Variants in KCNH1 observed in about 807,000 individuals in gnomAD.
KCNH1 encodes the protein potassium voltage-gated channel subfamily H member 1.
A neutral mutation model predicts 69.2 loss-of-function variants in KCNH1; 27 were observed. That is an observed-to-expected ratio of 0.39 (90% confidence interval 0.29 to 0.54). KCNH1 has a LOEUF of 0.54. KCNH1 is among the 20% of genes least tolerant of loss of function. The pLI is 0.68. For missense variants in KCNH1, 798 were observed against 1,261.6 expected, an observed-to-expected ratio of 0.63 and a Z score of 5.57; for synonymous variants, 456 against 487.7, an observed-to-expected ratio of 0.93 and a Z score of 0.86.
At position 210,993,787 on chromosome 1, in the gene KCNH1, C is replaced by T. The variant is rs191587542; in HGVS notation, c.1032+24996G>A. ...GTAGCAAACCTAAGGCTAAACAAGA[C>T]ATCATCCAAATATTAAGTAACTCTG... On this transcript the variant is annotated intron_variant, in intron 6 of 10. Transcript: ENST00000271751. 1.5e-3 allele frequency among the ~76,000 whole-genome samples: 233 copies of T among 152,216 alleles called. 1 individual carries two copies. The highest frequency in any genetic ancestry group is 3.4e-3 in the Middle Eastern group (1 of 294).
intron 10 of KCNH1, among the ~76,000 whole-genome samples, chr1:210,760,990 C>A (rs955030128): frequency 6.6e-6 from 1 of 152,038 alleles, no homozygotes; most frequent in Non-Finnish European, 1.5e-5. Context: ...CGGTGGCTCA[C>A]GCCTGTAATC....
intron 7 of KCNH1, among the ~76,000 whole-genome samples, chr1:210,822,624 T>C (rs1684952526): frequency 6.6e-6 from 1 of 152,144 alleles, no homozygotes; most frequent in African/African-American, 2.4e-5. Flanking sequence ...CATTTTTATT[T>C]TGCACTGGGT....
At chr1:210,781,577 G>A (rs2102379775) in intron 9 of KCNH1, among the ~76,000 whole-genome samples, 1 of 152,248 alleles carries the variant, frequency 6.6e-6, no homozygotes, top group South Asian at 2.1e-4. Context: ...AGGGGAACTG[G>A]ATTAATCTTT....
chr1:210,960,088 CATTTT>C (rs1397711653), intron 6 of KCNH1, among the ~76,000 whole-genome samples: 3 of 152,170 alleles, frequency 2.0e-5, no homozygotes, highest in Non-Finnish European at 2.9e-5. Flanking sequence ...TCACCAGCAA[CATTTT>C]ATTAAATTTA....
At chr1:210,995,761 G>C (rs1689020720) in intron 6 of KCNH1, among the ~76,000 whole-genome samples, 1 of 152,178 alleles carries the variant, frequency 6.6e-6, no homozygotes, top group African/African-American at 2.4e-5. Context: ...GGCCAACAGA[G>C]ATTTTGCCAC....
chr1:210,708,712 G>A (rs1222835762), intron 10 of KCNH1, among the ~76,000 whole-genome samples: 1 of 152,076 alleles, frequency 6.6e-6, no homozygotes, highest in Non-Finnish European at 1.5e-5. Flanking sequence ...AACTGGATTG[G>A]GTTAGTTTCT....
At chr1:210,972,896 C>G (rs1234172554) in intron 6 of KCNH1, among the ~76,000 whole-genome samples, 1 of 144,156 alleles carries the variant, frequency 6.9e-6, no homozygotes, top group Non-Finnish European at 1.5e-5. Flanking sequence ...ATTGTCTCAT[C>G]TTTCTCCTTC....
intron 5 of KCNH1, among the ~76,000 whole-genome samples, chr1:211,074,095 A>AT (rs1310002241): frequency 1.1e-5 from 1 of 93,726 alleles, no homozygotes; most frequent in Non-Finnish European, 2.4e-5. Flanking sequence ...CATTCCACCA[A>AT]TTAAAAAAAA....
At chr1:210,927,966 G>C (rs949136966) in intron 6 of KCNH1, among the ~76,000 whole-genome samples, 28 of 151,786 alleles carry the variant, frequency 1.8e-4, no homozygotes, top group African/African-American at 6.5e-4. Flanking sequence ...AAAGACAAAG[G>C]GGGCACCACA....
chr1:210,899,002 A>T (rs1202901837), intron 7 of KCNH1, among the ~76,000 whole-genome samples: 1 of 152,202 alleles, frequency 6.6e-6, no homozygotes, highest in Admixed American at 6.5e-5. Flanking sequence ...GTTTTTAATC[A>T]GTCTCATTAG....
In KCNH1 at chr1:210,688,830, G is replaced by A. The variant is rs541837462; in HGVS notation, c.2113-4692C>T. On this transcript the variant is annotated intron_variant, in intron 10 of 10. Coordinates refer to ENST00000271751, the MANE Select transcript of KCNH1 (RefSeq NM_172362.3). The stretch of plus-strand genomic sequence containing the variant: ...ACCACACCAACAGAGAGGTGCTGGG[G>A]TCTGTCTGGAGAGGTTGTTCCACTG... Among the ~76,000 whole-genome samples the A allele has an allele frequency of 5.3e-5, 8 of 152,320 alleles. No individual in the cohort carries two copies. In the East Asian group the frequency reaches 1.5e-3, roughly 29 times the overall value.
At chr1:210,939,617 C>T (rs968072399) in intron 6 of KCNH1, among the ~76,000 whole-genome samples, 13 of 152,078 alleles carry the variant, frequency 8.5e-5, no homozygotes, top group African/African-American at 2.7e-4. Flanking sequence ...TCTGACTGCC[C>T]GGCACAGAAG....
chr1:210,855,217 A>G (rs1685805425), intron 7 of KCNH1, among the ~76,000 whole-genome samples: 1 of 152,192 alleles, frequency 6.6e-6, no homozygotes, highest in African/African-American at 2.4e-5. Flanking sequence ...CCAGAAGAAG[A>G]AACCACAATC....
intron 10 of KCNH1, among the ~76,000 whole-genome samples, chr1:210,763,143 T>C (rs1042490262): frequency 1.3e-5 from 2 of 152,124 alleles, no homozygotes; most frequent in African/African-American, 2.4e-5. Context: ...TCTCAATAGA[T>C]GCAGAAAAAG....
intron 7 of KCNH1, among the ~76,000 whole-genome samples, chr1:210,915,701 C>T (rs1687321409): frequency 6.6e-6 from 1 of 152,186 alleles, no homozygotes; most frequent in Non-Finnish European, 1.5e-5. Flanking sequence ...TTCACCCCTT[C>T]TTAAAGCAAT....
rs567939595 is a variant in KCNH1, at chr1:211,042,718, C to A, written c.559-23462G>T. On this transcript the variant is annotated intron_variant, in intron 5 of 10. Coordinates refer to ENST00000271751, the MANE Select transcript of KCNH1 (RefSeq NM_172362.3). ...TCTCCAAGATAGACCATATGATAGG[C>A]CACAAAAACAAGCCTCAATAAATTT... is the stretch of plus-strand genomic sequence containing the variant. Among the ~76,000 whole-genome samples the A allele has an allele frequency of 3.3e-5, 5 of 152,176 alleles. No individual in the cohort carries two copies. The East Asian group carries it at 7.7e-4, about 24-fold the overall frequency.
chr1:210,898,297 C>A (rs1448074114), intron 7 of KCNH1, among the ~76,000 whole-genome samples: 1 of 152,016 alleles, frequency 6.6e-6, no homozygotes, highest in Non-Finnish European at 1.5e-5. Flanking sequence ...GGGGATCTGT[C>A]AAGGGCAAAA....
At chr1:210,709,695 G>C (rs1682005986) in intron 10 of KCNH1, among the ~76,000 whole-genome samples, 1 of 149,444 alleles carries the variant, frequency 6.7e-6, no homozygotes, top group South Asian at 2.1e-4. Context: ...TATACAAAGA[G>C]AGAAAAAGAA....
chr1:210,710,787 C>T (rs1025973259), intron 10 of KCNH1, among the ~76,000 whole-genome samples: 3 of 135,384 alleles, frequency 2.2e-5, no homozygotes. Context: ...ACTCTGTGCT[C>T]AAATAGTGAA....
Sources: allele counts gnomAD v4.1 joint callset (sites outside exome capture counted in the v4.1 genomes callset), GRCh38; gene constraint gnomAD v4.1.1; transcripts MANE v1.5; gene names NCBI Gene and HGNC (gene_info 2026-07-23, HGNC 2026-07-21).